Variants in FLI1 observed in about 807,000 individuals in gnomAD.
The protein encoded by FLI1 is Friend leukemia integration 1 transcription factor.
Under a neutral mutation model 53.1 loss-of-function variants are expected in FLI1, and 13 were observed. The observed-to-expected ratio is 0.24, with a 90% CI of 0.16 to 0.39. FLI1 has a LOEUF of 0.39. Among genes scored for constraint, FLI1 ranks in the 10% least tolerant of loss-of-function variants. The pLI, the probability that FLI1 is intolerant of heterozygous loss-of-function variation, is 1.00. For synonymous variants in FLI1, 244 were observed against 236.7 expected, an observed-to-expected ratio of 1.03 and a Z score of -0.28; for missense variants, 424 against 600.5, an observed-to-expected ratio of 0.71 and a Z score of 3.07.
At chr11:128,797,548 T>G (rs945813071) in intron 5 of FLI1, among the ~76,000 whole-genome samples, 1 of 152,246 alleles carries the variant, frequency 6.6e-6, no homozygotes, top group East Asian at 1.9e-4. Context: ...TTTTCTCTTC[T>G]TCATAGCATT....
chr11:128,710,596 A>G (rs1178544097), intron 1 of FLI1, among the ~76,000 whole-genome samples: 1 of 152,236 alleles, frequency 6.6e-6, no homozygotes, highest in Admixed American at 6.5e-5. Flanking sequence ...AAGAGATTAG[A>G]GAGCATCTCA....
At chr11:128,733,701 C>T (rs1159800311) in intron 1 of FLI1, among the ~76,000 whole-genome samples, 1 of 152,214 alleles carries the variant, frequency 6.6e-6, no homozygotes, top group Non-Finnish European at 1.5e-5. Flanking sequence ...CTGAAAGTCC[C>T]TGAAGCTGTG....
intron 5 of FLI1, among the ~76,000 whole-genome samples, chr11:128,802,030 G>T (rs1942649611): frequency 6.6e-6 from 1 of 152,180 alleles, no homozygotes; most frequent in South Asian, 2.1e-4. Context: ...ACATGTTTCT[G>T]GGTCTGAATA....
intron 1 of FLI1, among the ~76,000 whole-genome samples, chr11:128,714,669 GT>G (rs1287394877): frequency 6.8e-6 from 1 of 147,270 alleles, no homozygotes; most frequent in African/African-American, 2.5e-5. Flanking sequence ...TTACTGAGTA[GT>G]TACTGATGAG....
At chr11:128,798,640 G>C (rs971257529) in intron 5 of FLI1, among the ~76,000 whole-genome samples, 1 of 152,166 alleles carries the variant, frequency 6.6e-6, no homozygotes, top group African/African-American at 2.4e-5. Flanking sequence ...CCTGATCCAG[G>C]ATGTTTTTTC....
At chr11:128,797,151 C>G (rs1295172121) in intron 5 of FLI1, among the ~76,000 whole-genome samples, 1 of 152,192 alleles carries the variant, frequency 6.6e-6, no homozygotes, top group African/African-American at 2.4e-5. Flanking sequence ...ATTTGAATGG[C>G]CGTTCTAATT....
chr11:128,746,426 CT>C (rs899639073), intron 1 of FLI1, among the ~76,000 whole-genome samples: 66 of 152,220 alleles, frequency 4.3e-4, no homozygotes, highest in African/African-American at 1.6e-3. Flanking sequence ...GCCTCCACCC[CT>C]GGTGGACAAG....
At position 128,765,293 on chromosome 11, in the gene FLI1, C is replaced by T. The variant is rs2135825381; in HGVS notation, c.231-2825C>T. ...CACATTTATTTTCCTCCAACCCTGG[C>T]ACCTGGGACCAGCCCTGCCACCTGT... is the stretch of plus-strand genomic sequence containing the variant. On this transcript the variant is annotated intron_variant, in intron 2 of 8. Coordinates refer to ENST00000527786, the MANE Select transcript of FLI1 (RefSeq NM_002017.5). Among the ~76,000 whole-genome samples the T allele has an allele frequency of 1.3e-5, 2 of 152,310 alleles. 1 individual carries two copies. The highest frequency in any genetic ancestry group is 4.8e-5 in the African/African-American group (2 of 41,568).
rs138060562 is a variant in FLI1, at chr11:128,786,611, G to A, written c.655+4588G>A. Among the ~76,000 whole-genome samples the A allele has an allele frequency of 1.1e-4, 16 of 152,210 alleles. No individual in the cohort carries two copies. The East Asian group carries it at 2.5e-3, about 24-fold the overall frequency. On this transcript the variant is annotated intron_variant, in intron 5 of 8. Transcript: ENST00000527786. Reference sequence around the variant, plus strand: ...GACTTTCCACACCTTGTTCTCTCCCGTCCTCCAGGCTGCAGATGTGCGTGT... The same window carrying A: ...GACTTTCCACACCTTGTTCTCTCCCATCCTCCAGGCTGCAGATGTGCGTGT...
At chr11:128,709,996 G>T (rs958730795) in intron 1 of FLI1, among the ~76,000 whole-genome samples, 1 of 152,194 alleles carries the variant, frequency 6.6e-6, no homozygotes, top group Non-Finnish European at 1.5e-5. Context: ...CAGAACAAAA[G>T]AAGTAATTTG....
chr11:128,804,517 A>G (rs41302393), intron 5 of FLI1: 14 of 152,338 alleles, frequency 9.2e-5, no homozygotes, highest in Non-Finnish European at 1.8e-4. Context: ...TTACGATCAC[A>G]AAAGTTCGAT....
chr11:128,804,050 T>C (rs924411448), intron 5 of FLI1: 2 of 152,278 alleles, frequency 1.3e-5, no homozygotes, highest in African/African-American at 4.8e-5. Flanking sequence ...TGCTAAAGAC[T>C]GTAATTTTAA....
Position 128,761,886 on chromosome 11 carries a change from C to G in FLI1, c.230+3560C>G, listed in dbSNP as rs77709369. ...CTGCTTTTGAGTTGCTTGTCTTGACCCATACCATCAGCGGGTAACAAAGTA... is the reference window on the plus strand; with the variant it reads ...CTGCTTTTGAGTTGCTTGTCTTGACGCATACCATCAGCGGGTAACAAAGTA... On this transcript the variant is annotated intron_variant, in intron 2 of 8. Coordinates refer to ENST00000527786, the MANE Select transcript of FLI1 (RefSeq NM_002017.5). Among the ~76,000 whole-genome samples the G allele has an allele frequency of 5.4e-3, 821 of 152,094 alleles. 4 individuals are homozygous for G. Among genetic ancestry groups the G allele is most frequent in the African/African-American group, 0.019 (781 of 41,480 alleles).
At chr11:128,765,055 G>A (rs1033773226) in intron 2 of FLI1, among the ~76,000 whole-genome samples, 2 of 151,930 alleles carry the variant, frequency 1.3e-5, no homozygotes, top group African/African-American at 4.8e-5. Flanking sequence ...AGGGCCGGGG[G>A]AGGGAGAGAG....
Position 128,810,410 on chromosome 11 carries a change from C to A in FLI1, c.830-49C>A. On this transcript the variant is annotated intron_variant, in intron 8 of 8. Coordinates refer to ENST00000527786, the MANE Select transcript of FLI1 (RefSeq NM_002017.5). The surrounding 1 kb of genome is among the most constrained non-coding windows in gnomAD (Gnocchi z 6.6). ...CATTTAGGGAACTGGGTTCTGCCTT[C>A]TCTGGGCTGAGGTGTTCTGTTCTCT... is the stretch of plus-strand genomic sequence containing the variant. 1 of 1,526,568 alleles carries A rather than the reference C, an allele frequency of 6.6e-7. No individual in the cohort carries two copies. Among genetic ancestry groups the A allele is most frequent in the African/African-American group, 1.4e-5 (1 of 71,564 alleles). 94.6% of individuals were successfully genotyped at this position (1,526,568 alleles called of 1,614,324 possible).
intron 1 of FLI1, among the ~76,000 whole-genome samples, chr11:128,706,192 C>A (rs2135710767): frequency 6.6e-6 from 1 of 152,278 alleles, no homozygotes; most frequent in South Asian, 2.1e-4. Context: ...TCTGTTTTTG[C>A]AGTTCTGACT....
rs548502372 is a variant in FLI1, at chr11:128,784,630, T to C, written c.655+2607T>C. 3.1e-4 allele frequency among the ~76,000 whole-genome samples: 47 copies of C among 152,310 alleles called. No individual in the cohort carries two copies. In the South Asian group the frequency reaches 9.3e-3, roughly 30 times the overall value. On this transcript the variant is annotated intron_variant, in intron 5 of 8. Coordinates refer to ENST00000527786, the MANE Select transcript of FLI1 (RefSeq NM_002017.5). ...CCCCTTGTGAGGTGGTCTGAATCTG[T>C]CTGAACGACCCATCAAGCCACAAAA...
chr11:128,720,826 GC>G (rs1939222296), intron 1 of FLI1, among the ~76,000 whole-genome samples: 1 of 152,222 alleles, frequency 6.6e-6, no homozygotes, highest in Non-Finnish European at 1.5e-5. Flanking sequence ...AACAGGGTCA[GC>G]CGGGCTCCTT....
chr11:128,785,462 G>A (rs1942050978), intron 5 of FLI1, among the ~76,000 whole-genome samples: 1 of 151,638 alleles, frequency 6.6e-6, no homozygotes, highest in African/African-American at 2.4e-5. Context: ...ACTCAAACCA[G>A]GTTAGAGGAT....
Sources: gnomAD v4.1 joint callset for allele counts (sites outside exome capture counted in the v4.1 genomes callset) on GRCh38, gnomAD v4.1.1 for gene constraint, Gnocchi (gnomAD v3.1) non-coding constraint, MANE v1.5 for transcripts, NCBI Gene and HGNC (gene_info 2026-07-23, HGNC 2026-07-21) for gene names.